Variants in LMTK3 observed in about 807,000 individuals in gnomAD.
LMTK3 encodes the protein lemur tail kinase 3.
LMTK3 carries 27 observed loss-of-function variants against 116.7 expected under a neutral mutation model. The observed-to-expected ratio is 0.23, with a 90% confidence interval of 0.17 to 0.32. The LOEUF (loss-of-function observed/expected upper bound fraction) is 0.32. LMTK3 is among the 10% of genes least tolerant of loss of function. The pLI is 1.00. For missense variants in LMTK3, 1,764 were observed against 2,068.5 expected (o/e 0.85, Z 2.86); for synonymous variants, 965 against 971.0 (o/e 0.99, Z 0.11).
chr19:48,495,023 T>G (rs1375359885), intron 11 of LMTK3, among the ~76,000 whole-genome samples: 1 of 151,926 alleles, frequency 6.6e-6, no homozygotes, highest in Non-Finnish European at 1.5e-5. Context: ...TTGTTTTTTT[T>G]TTTGAAATGA....
In LMTK3 at chr19:48,501,524, A is replaced by G. The variant is rs2147550272; in HGVS notation, c.833T>C (p.Leu278Pro). ...CCCGTAGTCTCCGATGCGCACGGTC[A>G]GGTCAGAGGTCAGCAGGCAGTTGCG... is the stretch of plus-strand genomic sequence containing the variant. The part of the protein sequence containing the change: ...ALRNCLLTSD[L>P]TVRIGDYGLA... Residue 278 changes from leucine to proline, a missense_variant, in exon 8 of 15, where the codon CTG becomes CCG. Transcript: ENST00000600059. The G allele has an allele frequency of 6.2e-7, 1 of 1,611,954 alleles. No homozygotes were observed. Among genetic ancestry groups the G allele is most frequent in the South Asian group, 1.1e-5 (1 of 90,778 alleles).
Position 48,500,369 on chromosome 19 carries a change from A to C in LMTK3, c.1152-452T>G, listed in dbSNP as rs1346866949. ...AACCCGGGAGGCGGAGGTTGCAGTG[A>C]GCCAAGATCGTGCCATCGCACTCCA... is the stretch of plus-strand genomic sequence containing the variant. On this transcript the variant is annotated intron_variant, in intron 10 of 14. Transcript: ENST00000600059. This position sits in a 1 kb window ranked among gnomAD's most constrained non-coding sequence, Gnocchi z 4.0. 2.6e-5 allele frequency among the ~76,000 whole-genome samples: 4 copies of C among 152,110 alleles called. No homozygotes were observed. The East Asian group carries it at 7.8e-4, about 30-fold the overall frequency.
rs1230259913 is a variant in LMTK3, at chr19:48,500,005, G to A, written c.1152-88C>T. ...AGGGGACAGACAACCAGAGAGAGGG[G>A]GACAGAGACCCAGAGGGTAACAGAG... On this transcript the variant is annotated intron_variant, in intron 10 of 14. Transcript: ENST00000600059. This position sits in a 1 kb window ranked among gnomAD's most constrained non-coding sequence, Gnocchi z 4.0. 2.3e-6 allele frequency: 3 copies of A among 1,315,636 alleles called. No individual in the cohort carries two copies. The highest frequency in any genetic ancestry group is 1.5e-5 in the African/African-American group (1 of 64,770). 81.5% of individuals were successfully genotyped at this position (1,315,636 alleles called of 1,614,324 possible). A position where few individuals can be genotyped will look rare whatever the true frequency, so the allele number is the denominator to read the frequency against.
In LMTK3 at chr19:48,498,409, G is replaced by T; in HGVS notation, c.2660C>A (p.Pro887His). The stretch of plus-strand genomic sequence containing the variant: ...CCCGGGGCCTCTCCCCGCCTTCCTG[G>T]GTCCTGTCTCCCGGGCTGTCGCCCC... ...EKGATARETG[P>H]RKAGRGPGNR... is the part of the protein sequence containing the mutation. The change falls in exon 11 of 15, where the codon CCC becomes CAC. Residue 887 changes from proline to histidine, a missense_variant. This residue lies in a region of LMTK3 where 1,028 missense variants were observed against 1,050.6 expected (regional missense o/e 0.98). Transcript: ENST00000600059. 2.5e-6 allele frequency: 4 copies of T among 1,610,454 alleles called. No homozygotes were observed. The highest frequency in any genetic ancestry group is 3.4e-6 in the Non-Finnish European group (4 of 1,178,578).
intron 3 of LMTK3, 45 bp downstream of exon 3, chr19:48,509,978 T>C (rs1176791102): frequency 1.9e-6 from 3 of 1,605,092 alleles, no homozygotes; most frequent in Non-Finnish European, 2.6e-6. Context: ...TCTTCTGGCC[T>C]TTCCCGGGAC....
chr19:48,510,259 C>A, intron 2 of LMTK3, 86 bp from the exon 3 acceptor site: 2 of 1,503,108 alleles, frequency 1.3e-6, no homozygotes, highest in East Asian at 4.6e-5. Flanking sequence ...GTCTCCCCTT[C>A]ATTTTTGTAA....
At position 48,511,511 on chromosome 19, in the gene LMTK3, CG is replaced by C; in HGVS notation, c.65del (p.Pro22ArgfsTer101). 12 of 1,394,070 alleles carry C rather than the reference CG, an allele frequency of 8.6e-6. No individual in the cohort carries two copies. The highest frequency in any genetic ancestry group is 7.9e-5 in the South Asian group (5 of 62,932). 86.4% of individuals were successfully genotyped at this position (1,394,070 alleles called of 1,614,324 possible). ...GCCCGACAGACTCACCGGGGTGGGC[CG>C]GGGACGCCAGGCAGCCGGAGGCGGA... is the stretch of plus-strand genomic sequence containing the variant. ...AVSASGCLAS[P>X]AHPDGFALGR... On this transcript the variant is annotated frameshift_variant, in exon 1 of 15. Transcript: ENST00000600059. LOFTEE classifies it high-confidence loss of function.
intron 5 of LMTK3, among the ~76,000 whole-genome samples, chr19:48,507,605 T>TTTTATTTA (rs201447909): frequency 6.6e-6 from 1 of 152,180 alleles, no homozygotes; most frequent in Non-Finnish European, 1.5e-5. Context: ...TTAGCTTACA[T>TTTTATTTA]TTTATTTATT....
chr19:48,493,766 C>T lies in LMTK3; in HGVS notation c.4020G>A (p.Glu1340=). 1.3e-6 allele frequency: 2 copies of T among 1,554,488 alleles called. No individual in the cohort carries two copies. The highest frequency in any genetic ancestry group is 1.9e-5 in the Admixed American group (1 of 52,008). ...LKSPRGADEP[E]DSELERKRKM... ...TGCGCTTCCTCTCCAGCTCGCTGTC[C>T]TCTGGCTCGTCGGCCCCGCGCGGAG... The change falls in exon 12 of 15, where the codon GAG becomes GAA. Residue 1340 remains glutamate, a synonymous_variant. Coordinates refer to ENST00000600059, the MANE Select transcript of LMTK3 (RefSeq NM_001388485.1).
At position 48,499,184 on chromosome 19, in the gene LMTK3, A is replaced by G. The variant is rs956030180; in HGVS notation, c.1885T>C (p.Leu629=). 35 of 1,468,366 alleles carry G rather than the reference A, an allele frequency of 2.4e-5. No individual in the cohort carries two copies. Among genetic ancestry groups the G allele is most frequent in the Non-Finnish European group, 3.2e-5 (35 of 1,106,952 alleles). The allele number at this position is 1,468,366 out of a possible 1,614,324, so 91.0% of individuals were successfully genotyped here. A position where few individuals can be genotyped will look rare whatever the true frequency, so the allele number is the denominator to read the frequency against. ...CACGGGGCGGTCCCCCGCTCCCCCA[A>G]GACCTCGGCAGGGTCTCCCGCCAGG... The part of the protein sequence containing the change: ...ETLAGDPAEV[L]GERGTAPWVE... The change falls in exon 11 of 15, where the codon TTG becomes CTG. Residue 629 remains leucine, a synonymous_variant. Coordinates refer to ENST00000600059, the MANE Select transcript of LMTK3 (RefSeq NM_001388485.1).
chr19:48,491,141 GC>G lies in LMTK3; in HGVS notation c.4332del (p.Pro1445HisfsTer39). On this transcript the variant is annotated frameshift_variant, in exon 14 of 15. Transcript: ENST00000600059. LOFTEE classifies it high-confidence loss of function. This position sits in a 1 kb window ranked among gnomAD's most constrained non-coding sequence, Gnocchi z 5.1. ...FSVSPALETP[G>X]PPARAPDARP... ...CGGGCGTCGGGGGCCCGGGCGGGTG[GC>G]CCCGGGGTCTCCAGCGCAGGCGAGA... The G allele has an allele frequency of 7.2e-7, 1 of 1,380,330 alleles. No individual in the cohort carries two copies. The highest frequency in any genetic ancestry group is 9.4e-7 in the Non-Finnish European group (1 of 1,067,190). The allele number at this position is 1,380,330 out of a possible 1,614,324, so 85.5% of individuals were successfully genotyped here.
chr19:48,507,617 A>T (rs927493466), intron 5 of LMTK3, among the ~76,000 whole-genome samples: 3 of 152,100 alleles, frequency 2.0e-5, no homozygotes, highest in Non-Finnish European at 4.4e-5. Flanking sequence ...TTATTTATTT[A>T]TTTATATAAT....
Position 48,497,672 on chromosome 19 carries a change from C to T in LMTK3, c.3397G>A (p.Ala1133Thr). 2.3e-6 allele frequency: 3 copies of T among 1,313,848 alleles called. No individual in the cohort carries two copies. Among genetic ancestry groups the T allele is most frequent in the African/African-American group, 1.5e-5 (1 of 64,918 alleles). 81.4% of individuals were successfully genotyped at this position (1,313,848 alleles called of 1,614,324 possible). Reference sequence around the variant, plus strand: ...GTGTTGTCTACCCATCCGGCCTTTGCGTCCACGCCGCTTCCGGGGCCGCCG... The same window carrying T: ...GTGTTGTCTACCCATCCGGCCTTTGTGTCCACGCCGCTTCCGGGGCCGCCG... ...PGGGPGSGVD[A>T]KAGWVDNTRP... Residue 1133 changes from alanine (A) to threonine (T), a missense_variant, in exon 11 of 15, where the codon GCA becomes ACA. Ala to Thr is a moderately conservative substitution (Grantham distance 58, BLOSUM62 0). Coordinates refer to ENST00000600059, the MANE Select transcript of LMTK3 (RefSeq NM_001388485.1). This position sits in a 1 kb window ranked among gnomAD's most constrained non-coding sequence, Gnocchi z 5.7.
chr19:48,490,524 CAAA>C (rs397860073), intron 14 of LMTK3, among the ~76,000 whole-genome samples: 23 of 48,076 alleles, frequency 4.8e-4, no homozygotes, highest in African/African-American at 1.2e-3. Context: ...GACTCCGTCT[CAAA>C]AAAAAAAAAA....
intron 14 of LMTK3, among the ~76,000 whole-genome samples, 167 bp downstream of exon 14, chr19:48,490,941 C>T (rs1214266330): frequency 1.3e-5 from 2 of 152,160 alleles, no homozygotes; most frequent in Non-Finnish European, 2.9e-5. Context: ...GTCGCCTGGT[C>T]TGAGCTGGTT....
intron 1 of LMTK3, among the ~76,000 whole-genome samples, chr19:48,511,025 C>T (rs1217472429): frequency 6.6e-6 from 1 of 152,152 alleles, no homozygotes; most frequent in Non-Finnish European, 1.5e-5. Context: ...ATGCTGGAAC[C>T]CCCCAGTTTG....
rs544239731 is a variant in LMTK3, at chr19:48,500,356, G to A, written c.1152-439C>T. 3.1e-4 allele frequency among the ~76,000 whole-genome samples: 47 copies of A among 152,170 alleles called. No individual in the cohort carries two copies. The highest frequency in any genetic ancestry group is 1.5e-3 in the South Asian group (7 of 4,826). ...GGAGAACCGCTTGAACCCGGGAGGC[G>A]GAGGTTGCAGTGAGCCAAGATCGTG... On this transcript the variant is annotated intron_variant, in intron 10 of 14. Coordinates refer to ENST00000600059, the MANE Select transcript of LMTK3 (RefSeq NM_001388485.1). This position sits in a 1 kb window ranked among gnomAD's most constrained non-coding sequence, Gnocchi z 4.0.
In LMTK3 at chr19:48,491,523, T is replaced by C; in HGVS notation, c.4109A>G (p.Glu1370Gly). 7.2e-7 allele frequency: 1 copy of C among 1,397,740 alleles called. No individual in the cohort carries two copies. Among genetic ancestry groups the C allele is most frequent in the Non-Finnish European group, 9.3e-7 (1 of 1,070,312 alleles). The allele number at this position is 1,397,740 out of a possible 1,614,324, so 86.6% of individuals were successfully genotyped here. A position where few individuals can be genotyped will look rare whatever the true frequency, so the allele number is the denominator to read the frequency against. ...YLFDQETPTN[E>G]LSVQAPPEGD... ...CTCGGGGGGGGCCTGGACGCTCAGC[T>C]CGTTGGTTGGCGTCTCCTGTGAAGG... The change falls in exon 13 of 15, where the codon GAG (glutamate) becomes GGG (glycine). Residue 1370 changes from glutamate to glycine, a missense_variant. This residue lies in a region of LMTK3 where 281 missense variants were observed against 301.4 expected (regional missense o/e 0.93). Coordinates refer to ENST00000600059, the MANE Select transcript of LMTK3 (RefSeq NM_001388485.1). This position sits in a 1 kb window ranked among gnomAD's most constrained non-coding sequence, Gnocchi z 5.1.
chr19:48,489,202 T>G (rs959019833), intron 14 of LMTK3, among the ~76,000 whole-genome samples: 1 of 152,220 alleles, frequency 6.6e-6, no homozygotes, highest in Non-Finnish European at 1.5e-5. Context: ...GAATCCCCTG[T>G]GCCCAGCATG....
Sources: gnomAD v4.1 joint callset for allele counts (sites outside exome capture counted in the v4.1 genomes callset) on GRCh38, gnomAD v4.1.1 for gene constraint, gnomAD v4.1.1 regional missense constraint, Gnocchi (gnomAD v3.1) non-coding constraint, MANE v1.5 for transcripts, NCBI Gene and HGNC (gene_info 2026-07-23, HGNC 2026-07-21) for gene names.